UBE2D2: variants seen among roughly 807,000 people sequenced by gnomAD.
UBE2D2 encodes the protein ubiquitin conjugating enzyme E2 D2.
Under a neutral mutation model 24.2 loss-of-function variants are expected in UBE2D2, and 2 were observed. That is an observed-to-expected ratio of 0.08 (90% CI 0.03 to 0.26). UBE2D2 has a LOEUF of 0.26. Among genes scored for constraint, UBE2D2 ranks in the 10% least tolerant of loss-of-function variants. UBE2D2 has a pLI of 1.00. For missense variants in UBE2D2, 44 were observed against 177.6 expected, an observed-to-expected ratio of 0.25 and a Z score of 4.28; for synonymous variants, 58 against 56.5, an observed-to-expected ratio of 1.03 and a Z score of -0.12.
chr5:139,586,971 A>C (rs1753743060), intron 1 of UBE2D2, among the ~76,000 whole-genome samples: 3 of 152,080 alleles, frequency 2.0e-5, no homozygotes, highest in Admixed American at 2.0e-4. Context: ...CAGTGGCACT[A>C]TCATAGTGTT....
At chr5:139,596,037 G>A (rs758905075) in intron 1 of UBE2D2, among the ~76,000 whole-genome samples, 20 of 150,638 alleles carry the variant, frequency 1.3e-4, no homozygotes, top group Non-Finnish European at 2.5e-4. Context: ...GGGACTACAG[G>A]CGCGCGCCAC....
intron 2 of UBE2D2, among the ~76,000 whole-genome samples, chr5:139,604,489 A>G (rs1328952092): frequency 6.6e-6 from 1 of 152,218 alleles, no homozygotes; most frequent in Non-Finnish European, 1.5e-5. Context: ...ATTAAAAAAT[A>G]GTCAAAGGAT....
At position 139,561,753 on chromosome 5, in the gene UBE2D2, C is replaced by T; in HGVS notation, c.-39C>T. The T allele has an allele frequency of 1.4e-6, 2 of 1,454,958 alleles. 1 individual carries two copies. The highest frequency in any genetic ancestry group is 2.6e-5 in the South Asian group (2 of 75,922). 90.1% of individuals were successfully genotyped at this position (1,454,958 alleles called of 1,614,324 possible). A position where few individuals can be genotyped will look rare whatever the true frequency, so the allele number is the denominator to read the frequency against. ...CCCTTCCCCGTCCCTTCCCCGCCCC[C>T]GTCCCCGCCCCGGGGGCCGCCGCCA... On this transcript the variant is annotated 5_prime_UTR_variant, in exon 1 of 7. Transcript: ENST00000398733.
intron 1 of UBE2D2, among the ~76,000 whole-genome samples, chr5:139,587,672 CA>C (rs766266617): frequency 0.023 from 812 of 35,540 alleles, 4 homozygotes; most frequent in African/African-American, 0.065. Context: ...GACCCCATCT[CA>C]AAAAAAAAAA....
At chr5:139,534,491 C>T (rs909690030) in intron 1 of UBE2D2, among the ~76,000 whole-genome samples, 3 of 150,428 alleles carry the variant, frequency 2.0e-5, no homozygotes, top group East Asian at 2.0e-4. Flanking sequence ...GCGTGAACCC[C>T]GGAGTCGGAG....
intron 1 of UBE2D2, among the ~76,000 whole-genome samples, chr5:139,590,628 A>C (rs1753823733): frequency 6.6e-6 from 1 of 152,016 alleles, no homozygotes; most frequent in Admixed American, 6.6e-5. Flanking sequence ...AGAAAAAAGT[A>C]TAAAAGAATG....
At chr5:139,555,752 C>T (rs186494686) in intron 1 of UBE2D2, among the ~76,000 whole-genome samples, 106 of 151,288 alleles carry the variant, frequency 7.0e-4, no homozygotes, top group Non-Finnish European at 1.2e-3. Flanking sequence ...CATGGTGAAA[C>T]CCTGTGTCTA....
In UBE2D2 at chr5:139,600,359, CTTTTT is replaced by C. The variant is rs746648672; in HGVS notation, c.25-11_25-7del. ...TATGTTGAATATATTTCTTTTCTTT[CTTTTT>C]TCTGTAGGAATTGAATGATCTGGCA... On this transcript the variant is annotated splice_region_variant and splice_polypyrimidine_tract_variant and intron_variant, in intron 1 of 6. Transcript: ENST00000398733. 8.3e-5 allele frequency: 134 copies of C among 1,613,272 alleles called. No individual in the cohort carries two copies. In the African/African-American group the frequency reaches 1.6e-3, roughly 20 times the overall value.
intron 1 of UBE2D2, among the ~76,000 whole-genome samples, chr5:139,577,627 T>C (rs1458664551): frequency 6.6e-6 from 1 of 152,160 alleles, no homozygotes; most frequent in Non-Finnish European, 1.5e-5. Context: ...TTGGTCAGGC[T>C]GGTCTCGAAC....
At chr5:139,556,992 G>C (rs1282646964), upstream of UBE2D2, among the ~76,000 whole-genome samples, 1 of 145,634 alleles carries the variant, frequency 6.9e-6, no homozygotes, top group Non-Finnish European at 1.5e-5. Context: ...TCACCACCAT[G>C]CCCAGCTAAT....
chr5:139,575,429 C>T (rs189598833), intron 1 of UBE2D2, among the ~76,000 whole-genome samples: 5 of 151,838 alleles, frequency 3.3e-5, no homozygotes, highest in Non-Finnish European at 1.5e-5. Flanking sequence ...TCATCGTCAC[C>T]CCAAGCAAAA....
chr5:139,608,048 T>C (rs1303151572), intron 2 of UBE2D2, among the ~76,000 whole-genome samples: 3 of 152,052 alleles, frequency 2.0e-5, no homozygotes, highest in Non-Finnish European at 4.4e-5. Context: ...ATATACAATA[T>C]GCTAGAGTAT....
chr5:139,556,618 A>T (rs1752983378), upstream of UBE2D2, among the ~76,000 whole-genome samples: 1 of 152,156 alleles, frequency 6.6e-6, no homozygotes, highest in Non-Finnish European at 1.5e-5. Context: ...CAACATCAGA[A>T]ATACAAAGGG....
intron 1 of UBE2D2, 115 bp downstream of exon 1, chr5:139,561,930 G>A: frequency 1.5e-6 from 2 of 1,361,612 alleles, no homozygotes; most frequent in South Asian, 1.6e-5. Flanking sequence ...GCCGGTGCTG[G>A]CCCCTCGGGG....
rs1484618706 is a variant in UBE2D2 at position 139,614,893 on chromosome 5, T to C, written c.231T>C (p.Asn77=). The C allele has an allele frequency of 6.2e-7, 1 of 1,613,922 alleles. No homozygotes were observed. The highest frequency in any genetic ancestry group is 8.5e-7 in the Non-Finnish European group (1 of 1,179,940). ...TTACAACAAGAATTTATCATCCAAA[T>C]ATTAACAGTAATGGCAGCATTTGTC... ...VAFTTRIYHP[N]INSNGSICLD... is the part of the protein sequence containing the mutation. Residue 77 remains asparagine, a synonymous_variant, in exon 5 of 7, where the codon AAT becomes AAC. Transcript: ENST00000398733.
At chr5:139,552,595 G>A (rs1296843081) in intron 1 of UBE2D2, among the ~76,000 whole-genome samples, 1 of 132,982 alleles carries the variant, frequency 7.5e-6, no homozygotes, top group Non-Finnish European at 1.6e-5. Flanking sequence ...GGCAACCTCC[G>A]CCTCCTGGGA....
At chr5:139,575,575 G>T (rs1753452723) in intron 1 of UBE2D2, among the ~76,000 whole-genome samples, 1 of 152,174 alleles carries the variant, frequency 6.6e-6, no homozygotes, top group African/African-American at 2.4e-5. Flanking sequence ...TGATATTTTT[G>T]TAGGTCTAGA....
intron 1 of UBE2D2, among the ~76,000 whole-genome samples, chr5:139,539,029 A>G (rs1325494259): frequency 1.3e-5 from 2 of 152,020 alleles, no homozygotes; most frequent in Non-Finnish European, 2.9e-5. Context: ...AGAAAAGTCA[A>G]TCTCTTTTTT....
chr5:139,605,498 A>G (rs575387775), intron 2 of UBE2D2, among the ~76,000 whole-genome samples: 2 of 147,464 alleles, frequency 1.4e-5, no homozygotes, highest in Non-Finnish European at 3.0e-5. Context: ...AGGCTGAGGC[A>G]GGAGAATGGC....
Sources: allele counts gnomAD v4.1 joint callset (sites outside exome capture counted in the v4.1 genomes callset), GRCh38; gene constraint gnomAD v4.1.1; transcripts MANE v1.5; gene names NCBI Gene and HGNC (gene_info 2026-07-23, HGNC 2026-07-21).